GALNT10: variants seen among roughly 807,000 people sequenced by gnomAD.
GALNT10 encodes the protein polypeptide N-acetylgalactosaminyltransferase 10.
GALNT10 carries 41 observed loss-of-function variants against 75.0 expected under a neutral mutation model. The observed-to-expected ratio is 0.55, with a 90% CI of 0.43 to 0.71. The LOEUF (loss-of-function observed/expected upper bound fraction) is 0.71. Among genes scored for constraint, GALNT10 ranks in the 30% least tolerant of loss-of-function variants. The probability of loss-of-function intolerance (pLI) is 0.00; values close to 1 mark genes in which losing one functional copy is unlikely to be tolerated. For synonymous variants in GALNT10, 302 were observed against 313.0 expected, an observed-to-expected ratio of 0.96 and a Z score of 0.37; for missense variants, 727 against 818.5, an observed-to-expected ratio of 0.89 and a Z score of 1.36.
At chr5:154,358,144 A>G (rs927172287) in intron 4 of GALNT10, among the ~76,000 whole-genome samples, 4 of 152,192 alleles carry the variant, frequency 2.6e-5, no homozygotes, top group Admixed American at 6.5e-5. Flanking sequence ...TCCCTAAATA[A>G]AGCCCATGGA....
At chr5:154,217,030 A>T (rs1225982357) in intron 1 of GALNT10, among the ~76,000 whole-genome samples, 1 of 152,086 alleles carries the variant, frequency 6.6e-6, no homozygotes, top group Non-Finnish European at 1.5e-5. Flanking sequence ...CCTCCTATTC[A>T]ATTGTTTCCT....
At chr5:154,408,986 C>T (rs1345840773) in intron 8 of GALNT10, among the ~76,000 whole-genome samples, 1 of 152,132 alleles carries the variant, frequency 6.6e-6, no homozygotes, top group African/African-American at 2.4e-5. Context: ...CTTGGACAGG[C>T]TCTCCTTGTC....
chr5:154,224,276 C>T (rs1161331117), intron 1 of GALNT10, among the ~76,000 whole-genome samples: 1 of 152,200 alleles, frequency 6.6e-6, no homozygotes, highest in Non-Finnish European at 1.5e-5. Flanking sequence ...CCAGCTAGGT[C>T]ATTAGCCACA....
In GALNT10 at chr5:154,254,753, G is replaced by A. The variant is rs528884107; in HGVS notation, c.160-40063G>A. Reference sequence around the variant, plus strand: ...TACAGCTTGCTGGGTATATAAATTAGCATACTTTTGGCTGCAAGTAACAGA... The same window carrying A: ...TACAGCTTGCTGGGTATATAAATTAACATACTTTTGGCTGCAAGTAACAGA... On this transcript the variant is annotated intron_variant, in intron 1 of 11. Transcript: ENST00000297107. Among the ~76,000 whole-genome samples the A allele has an allele frequency of 9.9e-5, 15 of 152,178 alleles. No homozygotes were observed. The South Asian group carries it at 3.1e-3, about 32-fold the overall frequency.
At chr5:154,302,353 G>A (rs1754374998) in intron 3 of GALNT10, among the ~76,000 whole-genome samples, 1 of 152,244 alleles carries the variant, frequency 6.6e-6, no homozygotes, top group African/African-American at 2.4e-5. Flanking sequence ...CACTGGACCT[G>A]CAAATGGGAG....
At chr5:154,299,237 A>G (rs1213339713) in intron 3 of GALNT10, among the ~76,000 whole-genome samples, 1 of 152,202 alleles carries the variant, frequency 6.6e-6, no homozygotes, top group Non-Finnish European at 1.5e-5. Context: ...GATTTACCAA[A>G]TCAAAGCTAT....
At chr5:154,339,443 G>C (rs1457959149) in intron 4 of GALNT10, among the ~76,000 whole-genome samples, 2 of 150,996 alleles carry the variant, frequency 1.3e-5, no homozygotes, top group African/African-American at 2.5e-5. Flanking sequence ...TAAACCTTTT[G>C]GTGGACATCT....
At chr5:154,363,787 G>A (rs1339910579) in intron 4 of GALNT10, among the ~76,000 whole-genome samples, 2 of 152,156 alleles carry the variant, frequency 1.3e-5, no homozygotes, top group Non-Finnish European at 2.9e-5. Context: ...TACCTCCTAT[G>A]TTTGGAGACT....
In GALNT10 at chr5:154,419,919, AAGT is replaced by A. The variant is rs1243662999; in HGVS notation, c.*2950_*2952del. The A allele has an allele frequency of 9.9e-5, 15 of 152,174 alleles. No individual in the cohort carries two copies. The highest frequency in any genetic ancestry group is 3.6e-4 in the African/African-American group (15 of 41,432). 9.4% of individuals were successfully genotyped at this position (152,174 alleles called of 1,614,324 possible). ...CCTTTACTCTGAGGATAAGGTCACAAAGTAGGGTGTGACTTGAAAGTATCGTGA... is the reference window on the plus strand; with the variant it reads ...CCTTTACTCTGAGGATAAGGTCACAAAGGGTGTGACTTGAAAGTATCGTGA... On this transcript the variant is annotated 3_prime_UTR_variant, in exon 12 of 12. Transcript: ENST00000297107.
At chr5:154,285,355 A>G (rs1754096153) in intron 1 of GALNT10, among the ~76,000 whole-genome samples, 1 of 152,182 alleles carries the variant, frequency 6.6e-6, no homozygotes, top group Admixed American at 6.5e-5. Flanking sequence ...ATAAAATCCT[A>G]TCTCATTAGG....
Position 154,376,519 on chromosome 5 carries a change from G to GC in GALNT10, c.754+62dup, listed in dbSNP as rs1255248481. 10 of 1,285,982 alleles carry GC rather than the reference G, an allele frequency of 7.8e-6. No individual in the cohort carries two copies. The highest frequency in any genetic ancestry group is 8.6e-6 in the Non-Finnish European group (8 of 930,948). The allele number at this position is 1,285,982 out of a possible 1,614,324, so 79.7% of individuals were successfully genotyped here. On this transcript the variant is annotated intron_variant, in intron 5 of 11. Coordinates refer to ENST00000297107, the MANE Select transcript of GALNT10 (RefSeq NM_198321.4). The surrounding 1 kb of genome is among the most constrained non-coding windows in gnomAD (Gnocchi z 4.1). The stretch of plus-strand genomic sequence containing the variant: ...AAACTGCAATGAGCCAGTGCCAGTG[G>GC]CCCCCTCCTGCTGCAGGGAGCCATC...
chr5:154,331,200 G>A lies in GALNT10; in HGVS notation c.568+1462G>A, dbSNP rs938879208. Among the ~76,000 whole-genome samples, 3 of 152,102 alleles carry A rather than the reference G, an allele frequency of 2.0e-5. No homozygotes were observed. The South Asian group carries it at 6.2e-4, about 32-fold the overall frequency. On this transcript the variant is annotated intron_variant, in intron 4 of 11. Coordinates refer to ENST00000297107, the MANE Select transcript of GALNT10 (RefSeq NM_198321.4). ...CCAGCTCCTTAGGCATACAGTAGGT[G>A]CTTACTACGTGTTTGATGAACCAGA...
intron 4 of GALNT10, among the ~76,000 whole-genome samples, chr5:154,363,318 GA>G (rs1336899125): frequency 3.3e-5 from 5 of 150,988 alleles, no homozygotes; most frequent in African/African-American, 1.2e-4. Context: ...ATCATATTTA[GA>G]ATCACAAAAA....
At chr5:154,405,888 A>T (rs10065902) in intron 8 of GALNT10, among the ~76,000 whole-genome samples, 2,712 of 132,568 alleles carry the variant, frequency 0.02, 90 homozygotes, top group African/African-American at 0.068. Context: ...TTTTTTTTTT[A>T]AAAGGCCCAC....
At chr5:154,328,939 T>C (rs915974104) in intron 3 of GALNT10, among the ~76,000 whole-genome samples, 1 of 152,196 alleles carries the variant, frequency 6.6e-6, no homozygotes, top group African/African-American at 2.4e-5. Flanking sequence ...ATTATCATCA[T>C]GATCTCCAGC....
intron 4 of GALNT10, among the ~76,000 whole-genome samples, chr5:154,370,814 A>T (rs1248891051): frequency 6.6e-6 from 1 of 152,188 alleles, no homozygotes; most frequent in Non-Finnish European, 1.5e-5. Flanking sequence ...TCGAACTGCT[A>T]CAAACAGACT....
chr5:154,325,557 T>C (rs1039500222), intron 3 of GALNT10, among the ~76,000 whole-genome samples: 1 of 151,204 alleles, frequency 6.6e-6, no homozygotes, highest in East Asian at 1.9e-4. Context: ...ACTGGTTCAA[T>C]ATATGAAAAT....
intron 1 of GALNT10, among the ~76,000 whole-genome samples, chr5:154,207,914 T>G (rs1188173856): frequency 6.6e-6 from 1 of 152,068 alleles, no homozygotes; most frequent in Non-Finnish European, 1.5e-5. Flanking sequence ...GTGACCAGAT[T>G]TGCTTTCGTA....
chr5:154,196,301 C>G (rs1251143859), intron 1 of GALNT10, among the ~76,000 whole-genome samples: 2 of 152,176 alleles, frequency 1.3e-5, no homozygotes, highest in Non-Finnish European at 2.9e-5. Flanking sequence ...GAATTAAAGG[C>G]TGGGAAGTAC....
Sources: gnomAD v4.1 joint callset for allele counts (sites outside exome capture counted in the v4.1 genomes callset) on GRCh38, gnomAD v4.1.1 for gene constraint, Gnocchi (gnomAD v3.1) non-coding constraint, MANE v1.5 for transcripts, NCBI Gene and HGNC (gene_info 2026-07-23, HGNC 2026-07-21) for gene names.